Variants in CCDC62 observed in about 807,000 individuals in gnomAD.
CCDC62 encodes the protein coiled-coil domain containing 62.
A neutral mutation model predicts 80.8 loss-of-function variants in CCDC62; 72 were observed. That is an observed-to-expected ratio of 0.89 (90% confidence interval 0.74 to 1.08). The LOEUF (loss-of-function observed/expected upper bound fraction) is 1.08. Among genes scored for constraint, CCDC62 ranks in the 50% least tolerant of loss-of-function variants. The pLI, the probability that CCDC62 is intolerant of heterozygous loss-of-function variation, is 0.00. For synonymous variants in CCDC62, 286 were observed against 296.5 expected (o/e 0.96, Z 0.36); for missense variants, 704 against 809.4 (o/e 0.87, Z 1.58).
chr12:122,802,080 C>T (rs540329465), intron 9 of CCDC62, among the ~76,000 whole-genome samples: 12 of 152,188 alleles, frequency 7.9e-5, no homozygotes, highest in African/African-American at 1.7e-4. Context: ...ATACTGAGGA[C>T]GGCTTCTGAG....
At chr12:122,779,801 G>T (rs1043029626) in intron 2 of CCDC62, among the ~76,000 whole-genome samples, 1 of 150,634 alleles carries the variant, frequency 6.6e-6, no homozygotes, top group African/African-American at 2.4e-5. Context: ...CCAGCTACTT[G>T]GGAGGCTAAG....
At chr12:122,795,432 C>CTT (rs143371284) in intron 6 of CCDC62, among the ~76,000 whole-genome samples, 1 of 142,376 alleles carries the variant, frequency 7.0e-6, no homozygotes, top group South Asian at 2.2e-4. Flanking sequence ...AAATGCAGTT[C>CTT]TTTTTTTTTT....
intron 3 of CCDC62, among the ~76,000 whole-genome samples, chr12:122,783,800 C>T (rs938491871): frequency 2.6e-5 from 4 of 152,178 alleles, no homozygotes; most frequent in African/African-American, 9.7e-5. Context: ...AGTTCTCATA[C>T]ACACTCTGTA....
rs2030173531 is a variant in CCDC62, at chr12:122,785,723, G to A, written c.401G>A (p.Arg134Lys). Residue 134 changes from arginine to lysine, a missense_variant, in exon 4 of 13, where the codon AGA becomes AAA. Coordinates refer to ENST00000253079, the MANE Select transcript of CCDC62 (RefSeq NM_201435.5). ...SSLLSEDLEARNETLSNTLVE... is the reference protein window; with the variant it reads ...SSLLSEDLEAKNETLSNTLVE... ...ATCTGTGTTGTTTTCTTGTAGGCTA[G>A]AAACGAAACTCTCAGCAACACGTTA... 1.2e-6 allele frequency: 2 copies of A among 1,611,120 alleles called. No individual in the cohort carries two copies. The highest frequency in any genetic ancestry group is 4.5e-5 in the East Asian group (2 of 44,872).
Position 122,788,833 on chromosome 12 carries a change from C to T in CCDC62, c.574C>T (p.Arg192Cys), listed in dbSNP as rs756743489. The change falls in exon 5 of 13, where the codon CGT becomes TGT. Residue 192 changes from arginine (R) to cysteine (C), a missense_variant. Physicochemically the swap from Arg to Cys is radical, Grantham distance 180. Transcript: ENST00000253079. ...ATTTAAAATGCTAGAGCATGCCCTA[C>T]GTGATGCCAAGATGGCGGAGACTTG... ...GKFKMLEHAL[R>C]DAKMAETCIV... 5.6e-6 allele frequency: 9 copies of T among 1,609,844 alleles called. No homozygotes were observed. The highest frequency in any genetic ancestry group is 4.5e-5 in the East Asian group (2 of 44,772).
chr12:122,789,963 T>G, intron 5 of CCDC62, among the ~76,000 whole-genome samples: 1 of 152,168 alleles, frequency 6.6e-6, no homozygotes, highest in East Asian at 1.9e-4. Flanking sequence ...TTATTGAATG[T>G]TTATATACAC....
At chr12:122,777,777 A>G (rs779203277) in intron 2 of CCDC62, 94 bp downstream of exon 2, 28 of 1,184,376 alleles carry the variant, frequency 2.4e-5, no homozygotes, top group Non-Finnish European at 3.4e-5. Context: ...TAAAGACTGC[A>G]ATCCCTGTTG....
rs757384447 is a variant in CCDC62 at position 122,801,730 on chromosome 12, C to T, written c.1584C>T (p.His528=). The T allele has an allele frequency of 1.2e-6, 2 of 1,614,072 alleles. No individual in the cohort carries two copies. Among genetic ancestry groups the T allele is most frequent in the Admixed American group, 1.7e-5 (1 of 59,996 alleles). The part of the protein sequence containing the change: ...PSNFIIEAPG[H]MSDVEWMSIF... ...ACTTCATAATTGAAGCCCCAGGCCA[C>T]ATGTCTGACGTGGAGTGGATGAGTA... Residue 528 remains histidine, a synonymous_variant, in exon 9 of 13, where the codon CAC becomes CAT. Transcript: ENST00000253079.
At chr12:122,786,630 A>G (rs1186451930) in intron 4 of CCDC62, among the ~76,000 whole-genome samples, 1 of 152,138 alleles carries the variant, frequency 6.6e-6, no homozygotes, top group Non-Finnish European at 1.5e-5. Context: ...TTTTCTCAGC[A>G]CATTGTTTTC....
intron 12 of CCDC62, among the ~76,000 whole-genome samples, chr12:122,825,371 A>G (rs1593845535): frequency 1.0e-5 from 1 of 99,742 alleles, no homozygotes; most frequent in African/African-American, 4.0e-5. Context: ...TTTGAGACAG[A>G]GTTTTGCTCT....
rs149867245 is a variant in CCDC62 at position 122,824,682 on chromosome 12, A to G, written c.*40+1223A>G. On this transcript the variant is annotated intron_variant, in intron 12 of 12. Coordinates refer to ENST00000253079, the MANE Select transcript of CCDC62 (RefSeq NM_201435.5). ...CTACTGGGTATCTACGTGGAGGAAA[A>G]GTATATGAAAAAGACACTTGTACAC... 1.5e-3 allele frequency among the ~76,000 whole-genome samples: 233 copies of G among 152,344 alleles called. 1 individual carries two copies. The highest frequency in any genetic ancestry group is 5.1e-3 in the African/African-American group (214 of 41,586).
At position 122,791,695 on chromosome 12, in the gene CCDC62, C is replaced by T. The variant is rs144163272; in HGVS notation, c.671-325C>T. 3.7e-3 allele frequency among the ~76,000 whole-genome samples: 567 copies of T among 152,322 alleles called. 6 individuals are homozygous for T. Among genetic ancestry groups the T allele is most frequent in the African/African-American group, 0.013 (526 of 41,560 alleles). ...AACTCCTGGCCTCAAGTGGTTTGTC[C>T]GCCTTGGCCTCCCAAAGTGCTGGGA... On this transcript the variant is annotated intron_variant, in intron 5 of 12. Transcript: ENST00000253079.
chr12:122,806,069 T>C, intron 9 of CCDC62, 82 bp from the exon 10 acceptor site: 1 of 1,276,886 alleles, frequency 7.8e-7, no homozygotes, highest in South Asian at 1.6e-5. Flanking sequence ...TTTGTCCTTT[T>C]AAGATACTTT....
At chr12:122,816,527 A>T (rs1385449922) in intron 11 of CCDC62, among the ~76,000 whole-genome samples, 1 of 152,140 alleles carries the variant, frequency 6.6e-6, no homozygotes, top group East Asian at 1.9e-4. Context: ...GGAGTTTGAG[A>T]CCACTCTGGG....
chr12:122,825,342 ATTT>A (rs749990077), intron 12 of CCDC62, among the ~76,000 whole-genome samples: 5 of 89,796 alleles, frequency 5.6e-5, no homozygotes, highest in East Asian at 3.0e-4. Flanking sequence ...CACCTGGCTA[ATTT>A]TTTTTTTTTT....
At chr12:122,822,325 C>T (rs888845888) in intron 11 of CCDC62, among the ~76,000 whole-genome samples, 2 of 151,836 alleles carry the variant, frequency 1.3e-5, no homozygotes, top group East Asian at 1.9e-4. Flanking sequence ...AGGATGGTCT[C>T]GAGCTCTTGA....
Position 122,806,296 on chromosome 12 carries a change from G to T in CCDC62, c.1851+1G>T, listed in dbSNP as rs753014820. 3.7e-6 allele frequency: 6 copies of T among 1,604,106 alleles called. No individual in the cohort carries two copies. In the East Asian group the frequency reaches 8.9e-5, roughly 24 times the overall value. The stretch of plus-strand genomic sequence containing the variant: ...AGATGCACCAGCATTCAATGAAAAG[G>T]TTCGTATTTTGCTTAGACATCCCCA... On this transcript the variant is annotated splice_donor_variant, in intron 10 of 12. Coordinates refer to ENST00000253079, the MANE Select transcript of CCDC62 (RefSeq NM_201435.5). LOFTEE classifies it high-confidence loss of function.
intron 5 of CCDC62, 82 bp downstream of exon 5, chr12:122,789,011 C>T: frequency 9.1e-7 from 1 of 1,101,688 alleles, no homozygotes. Context: ...TAATCTTATG[C>T]TTGAGAGTAG....
At chr12:122,818,591 CA>C (rs2032268241) in intron 11 of CCDC62, among the ~76,000 whole-genome samples, 2 of 151,946 alleles carry the variant, frequency 1.3e-5, no homozygotes, top group Admixed American at 1.3e-4. Context: ...CACTGTACTC[CA>C]GCTTGGGCCA....
Sources: allele counts gnomAD v4.1 joint callset (sites outside exome capture counted in the v4.1 genomes callset), GRCh38; gene constraint gnomAD v4.1.1; transcripts MANE v1.5; gene names NCBI Gene and HGNC (gene_info 2026-07-23, HGNC 2026-07-21).